The following YLPM1 variants were observed in gnomAD, a reference collection of about 807,000 sequenced individuals.
YLPM1 encodes the protein YLP motif-containing protein 1.
YLPM1 carries 99 observed loss-of-function variants against 230.0 expected under a neutral mutation model. The ratio of observed to expected loss-of-function variants is 0.43; its 90% CI spans 0.37 to 0.51. The LOEUF is 0.51. Among genes scored for constraint, YLPM1 ranks in the 20% least tolerant of loss-of-function variants. The probability of loss-of-function intolerance (pLI) is 0.00; values close to 1 mark genes in which losing one functional copy is unlikely to be tolerated. For synonymous variants in YLPM1, 984 were observed against 942.5 expected (o/e 1.04, Z -0.81); for missense variants, 2,592 against 2,707.7 (o/e 0.96, Z 0.95).
Position 74,837,218 on chromosome 14 carries a change from T to G in YLPM1, c.*1480T>G, listed in dbSNP as rs1406079191. The stretch of plus-strand genomic sequence containing the variant: ...CAACTTTCTGTACTTTTATCTTCCC[T>G]GAAAATCTGAATTTTTAAGCAAGTG... On this transcript the variant is annotated 3_prime_UTR_variant, in exon 21 of 21. Coordinates refer to ENST00000325680, the MANE Select transcript of YLPM1 (RefSeq NM_019589.3). The G allele has an allele frequency of 6.6e-6, 1 of 152,298 alleles. No homozygotes were observed. Among genetic ancestry groups the G allele is most frequent in the East Asian group, 1.9e-4 (1 of 5,178 alleles). The allele number at this position is 152,298 out of a possible 1,614,324, so 9.4% of individuals were successfully genotyped here. A position where few individuals can be genotyped will look rare whatever the true frequency, so the allele number is the denominator to read the frequency against.
chr14:74,803,929 G>A (rs2091352700), intron 6 of YLPM1, among the ~76,000 whole-genome samples: 1 of 152,116 alleles, frequency 6.6e-6, no homozygotes, highest in Non-Finnish European at 1.5e-5. Context: ...AGGCCAAGGC[G>A]GGTGGATCAC....
intron 18 of YLPM1, chr14:74,827,731 A>G: frequency 4.1e-6 from 4 of 985,402 alleles, no homozygotes; most frequent in Non-Finnish European, 4.8e-6. Context: ...CTCTTCTGGT[A>G]ATACTGTACC....
rs1374413100 is a variant in YLPM1 at position 74,796,083 on chromosome 14, A to AG, written c.2283-1496dup. Among the ~76,000 whole-genome samples, 15 of 152,176 alleles carry AG rather than the reference A, an allele frequency of 9.9e-5. 1 individual carries two copies. The South Asian group carries it at 3.1e-3, about 32-fold the overall frequency. ...CTAGCTGCAAGAGATATTGAGAAAG[A>AG]GAGTCTTGTCTGGGGGGCCTTGTGT... is the stretch of plus-strand genomic sequence containing the variant. On this transcript the variant is annotated intron_variant, in intron 4 of 20. Transcript: ENST00000325680.
In YLPM1 at chr14:74,769,214, A is replaced by G. The variant is rs200466320; in HGVS notation, c.873+4852A>G. On this transcript the variant is annotated intron_variant, in intron 1 of 20. Transcript: ENST00000325680. Reference sequence around the variant, plus strand: ...CTCAGCCTCCCTAGTAACTGGGATTACAGGTGCCTGCCACCACGCCCGGCT... The same window carrying G: ...CTCAGCCTCCCTAGTAACTGGGATTGCAGGTGCCTGCCACCACGCCCGGCT... Among the ~76,000 whole-genome samples the G allele has an allele frequency of 1.9e-4, 27 of 142,582 alleles. No individual in the cohort carries two copies. The East Asian group carries it at 5.1e-3, about 27-fold the overall frequency. 93.5% of individuals were successfully genotyped at this position (142,582 alleles called of 152,430 possible). A position where few individuals can be genotyped will look rare whatever the true frequency, so the allele number is the denominator to read the frequency against.
At chr14:74,790,777 A>G (rs1203766888) in intron 4 of YLPM1, among the ~76,000 whole-genome samples, 2 of 152,158 alleles carry the variant, frequency 1.3e-5, no homozygotes, top group African/African-American at 2.4e-5. Flanking sequence ...TTATATGTCA[A>G]AAGGGTCATA....
chr14:74,798,125 A>G lies in YLPM1; in HGVS notation c.2828A>G (p.Gln943Arg), dbSNP rs1403196396. 1 of 1,614,016 alleles carries G rather than the reference A, an allele frequency of 6.2e-7. No individual in the cohort carries two copies. ...ATCGACAAAGCCCAAGCTGTTACTCAGCCTGTACCCCTTGCGAATAAGCCT... is the reference window on the plus strand; with the variant it reads ...ATCGACAAAGCCCAAGCTGTTACTCGGCCTGTACCCCTTGCGAATAAGCCT... ...TQIDKAQAVT[Q>R]PVPLANKPVP... Residue 943 changes from glutamine to arginine, a missense_variant, in exon 5 of 21, where the codon CAG becomes CGG. Gln to Arg is a conservative substitution (Grantham distance 43). Transcript: ENST00000325680.
At chr14:74,766,924 C>T (rs542691566) in intron 1 of YLPM1, among the ~76,000 whole-genome samples, 19 of 146,722 alleles carry the variant, frequency 1.3e-4, no homozygotes, top group African/African-American at 4.5e-4. Context: ...CACACTGTTG[C>T]CCAGGCTGGA....
chr14:74,821,053 A>G lies in YLPM1; in HGVS notation c.6031-4A>G, dbSNP rs1444423931. On this transcript the variant is annotated splice_region_variant and splice_polypyrimidine_tract_variant and intron_variant, in intron 16 of 20. Transcript: ENST00000325680. The stretch of plus-strand genomic sequence containing the variant: ...TTTTTTTTTTTTTTTAATGGTTGGT[A>G]TAGGTAGAGATGGAAGATTTTGATG... The G allele has an allele frequency of 6.1e-6, 9 of 1,485,260 alleles. No individual in the cohort carries two copies. The highest frequency in any genetic ancestry group is 1.4e-5 in the South Asian group (1 of 71,726). The allele number at this position is 1,485,260 out of a possible 1,614,324, so 92.0% of individuals were successfully genotyped here.
intron 11 of YLPM1, 37 bp downstream of exon 11, chr14:74,812,819 C>T (rs1218977098): frequency 6.3e-7 from 1 of 1,592,682 alleles, no homozygotes; most frequent in Admixed American, 1.8e-5. Flanking sequence ...TCGTGCAAAC[C>T]AGAAGATAAG....
At chr14:74,823,317 A>G (rs977216444) in intron 17 of YLPM1, among the ~76,000 whole-genome samples, 2 of 152,120 alleles carry the variant, frequency 1.3e-5, no homozygotes, top group Non-Finnish European at 2.9e-5. Context: ...AATCTGTCCT[A>G]TTTACTAGGT....
At position 74,798,337 on chromosome 14, in the gene YLPM1, A is replaced by C. The variant is rs2091285442; in HGVS notation, c.3040A>C (p.Arg1014=). 4 of 1,613,908 alleles carry C rather than the reference A, an allele frequency of 2.5e-6. No individual in the cohort carries two copies. Among genetic ancestry groups the C allele is most frequent in the Non-Finnish European group, 3.4e-6 (4 of 1,179,908 alleles). The part of the protein sequence containing the change: ...DNRDNRLEGN[R]GNSSSYRGPG... ...TAGAGATAATAGATTAGAAGGCAAT[A>C]GAGGCAACAGCTCATCTTACAGAGG... The change falls in exon 5 of 21, where the codon AGA becomes CGA. Residue 1014 remains arginine (R), a synonymous_variant. Coordinates refer to ENST00000325680, the MANE Select transcript of YLPM1 (RefSeq NM_019589.3).
chr14:74,792,629 C>G (rs1463424573), intron 4 of YLPM1, among the ~76,000 whole-genome samples: 1 of 152,198 alleles, frequency 6.6e-6, no homozygotes, highest in African/African-American at 2.4e-5. Flanking sequence ...TGGTCGCCAT[C>G]TTCATAGCAC....
intron 2 of YLPM1, among the ~76,000 whole-genome samples, chr14:74,779,990 G>C (rs2091077554): frequency 6.6e-6 from 1 of 152,090 alleles, no homozygotes; most frequent in Admixed American, 6.6e-5. Flanking sequence ...TTTTAGTAGA[G>C]ACGGGGTTTC....
chr14:74,804,450 C>A (rs891683911), intron 6 of YLPM1, among the ~76,000 whole-genome samples: 1 of 152,170 alleles, frequency 6.6e-6, no homozygotes, highest in African/African-American at 2.4e-5. Context: ...CTTCATTTTC[C>A]CTCCACATAG....
intron 1 of YLPM1, among the ~76,000 whole-genome samples, chr14:74,776,332 T>G (rs1408522708): frequency 6.6e-6 from 1 of 152,234 alleles, no homozygotes. Flanking sequence ...GATGAACACA[T>G]AGCCTTGTTT....
intron 1 of YLPM1, among the ~76,000 whole-genome samples, chr14:74,773,181 A>G (rs558193542): frequency 1.4e-3 from 217 of 152,222 alleles, no homozygotes; most frequent in Middle Eastern, 0.01. Flanking sequence ...CCAACTACTC[A>G]GGAGGCTGAG....
At position 74,797,937 on chromosome 14, in the gene YLPM1, A is replaced by G. The variant is rs1215772670; in HGVS notation, c.2640A>G (p.Gln880=). Residue 880 remains glutamine, a synonymous_variant, in exon 5 of 21, where the codon CAA becomes CAG. Transcript: ENST00000325680. ...ACCAGCAGAAGAATTTTAAAATGCA[A>G]TCAGCTGCATTTTCCATTGCTGCAG... The part of the protein sequence containing the change: ...SSNQQKNFKM[Q]SAAFSIAADV... 1.9e-6 allele frequency: 3 copies of G among 1,613,820 alleles called. No individual in the cohort carries two copies. Among genetic ancestry groups the G allele is most frequent in the East Asian group, 4.5e-5 (2 of 44,890 alleles).
At chr14:74,812,366 CTTTCCTACATTTAAT>C (rs750223408) in intron 10 of YLPM1, among the ~76,000 whole-genome samples, 1 of 152,238 alleles carries the variant, frequency 6.6e-6, no homozygotes, top group Non-Finnish European at 1.5e-5. Context: ...TGTTGCTTAA[CTTTCCTACATTTAAT>C]ACAAACAAGG....
At chr14:74,787,377 A>T (rs1425833477) in intron 4 of YLPM1, among the ~76,000 whole-genome samples, 1 of 152,130 alleles carries the variant, frequency 6.6e-6, no homozygotes, top group Non-Finnish European at 1.5e-5. Context: ...AGCGTGGCCA[A>T]CATGGTGAAG....
Sources: allele counts gnomAD v4.1 joint callset (sites outside exome capture counted in the v4.1 genomes callset), GRCh38; gene constraint gnomAD v4.1.1; transcripts MANE v1.5; gene names NCBI Gene and HGNC (gene_info 2026-07-23, HGNC 2026-07-21).